CSF2RA: variants seen among roughly 807,000 people sequenced by gnomAD.
CSF2RA encodes granulocyte-macrophage colony-stimulating factor receptor subunit alpha.
CSF2RA carries 42 observed loss-of-function variants against 51.6 expected under a neutral mutation model. That is an observed-to-expected ratio of 0.81 (90% confidence interval 0.64 to 1.05). The LOEUF (loss-of-function observed/expected upper bound fraction) is 1.05, where lower values mean the gene tolerates loss of function less well. CSF2RA is among the 50% of genes least tolerant of loss of function. CSF2RA has a pLI of 0.00. For missense variants in CSF2RA, 530 were observed against 501.1 expected (o/e 1.06, Z -0.55); for synonymous variants, 222 against 193.0 (o/e 1.15, Z -1.24).
At chrX:1,306,806 AAG>A (rs2083615274) in intron 12 of CSF2RA, among the ~76,000 whole-genome samples, 1 of 151,488 alleles carries the variant, frequency 6.6e-6, no homozygotes, top group South Asian at 2.1e-4. Flanking sequence ...GACAGGGACA[AAG>A]AGAAAAAGAC....
downstream of CSF2RA, among the ~76,000 whole-genome samples, chrX:1,312,826 G>A (rs1407141452): frequency 6.6e-6 from 1 of 152,078 alleles, no homozygotes; most frequent in Non-Finnish European, 1.5e-5. Context: ...TTTCAGGGGA[G>A]ATTTGACGAT....
At chrX:1,310,626 A>C (rs1207527042), downstream of CSF2RA, among the ~76,000 whole-genome samples, 1,060 of 149,668 alleles carry the variant, frequency 7.1e-3, 14 homozygotes, top group African/African-American at 0.025. Flanking sequence ...CGAGATCACA[A>C]CACCGCACTC....
chrX:1,281,109 C>T (rs867026855), intron 2 of CSF2RA, among the ~76,000 whole-genome samples: 4 of 66,972 alleles, frequency 6.0e-5, no homozygotes, highest in African/African-American at 2.5e-4. Context: ...TTCTCCTCCT[C>T]CTTCTCCTCC....
intron 9 of CSF2RA, among the ~76,000 whole-genome samples, chrX:1,299,955 T>C (rs1425503462): frequency 2.0e-5 from 3 of 149,796 alleles, no homozygotes; most frequent in Non-Finnish European, 3.0e-5. Flanking sequence ...TGGTGGCTCA[T>C]GCCTGTAATC....
At chrX:1,313,262 C>T (rs1284949674), downstream of CSF2RA, among the ~76,000 whole-genome samples, 1 of 146,066 alleles carries the variant, frequency 6.8e-6, no homozygotes, top group African/African-American at 2.6e-5. Flanking sequence ...GTCTCTACTA[C>T]AAATACAAAA....
intron 1 of CSF2RA, among the ~76,000 whole-genome samples, chrX:1,269,635 AAGAAAAAAAAAGAGATG>A (rs2088093093): frequency 2.1e-5 from 1 of 47,524 alleles, no homozygotes; most frequent in African/African-American, 4.8e-5. Flanking sequence ...AAAAAAGAAA[AAGAAAAAAAAAGAGATG>A]AAAAGAGATG....
chrX:1,319,855 C>A, the CSF2RA span, among the ~76,000 whole-genome samples: 12 of 149,150 alleles, frequency 8.0e-5, no homozygotes, highest in Non-Finnish European at 1.8e-4. Flanking sequence ...GCTGGGATTA[C>A]AGGCACGTGC....
chrX:1,309,883 A>G lies in CSF2RA; in HGVS notation c.*404A>G. The G allele has an allele frequency of 1.7e-6, 1 of 583,638 alleles. No homozygotes were observed. The highest frequency in any genetic ancestry group is 3.0e-6 in the Non-Finnish European group (1 of 329,784). The allele number at this position is 583,638 out of a possible 1,614,324, so 36.2% of individuals were successfully genotyped here. On this transcript the variant is annotated 3_prime_UTR_variant, in exon 13 of 13. Transcript: ENST00000381529. ...AACCTGCGTGACAGAGCAAGATTGC[A>G]TCTCAAAACAAACAATAATAATAAA...
intron 9 of CSF2RA, among the ~76,000 whole-genome samples, chrX:1,298,729 C>A (rs193206321): frequency 1.6e-4 from 7 of 42,900 alleles, no homozygotes; most frequent in African/African-American, 4.2e-4. Flanking sequence ...CCCCTACTCA[C>A]GACCCCTAGT....
chrX:1,282,610 G>A, intron 2 of CSF2RA, 68 bp from the exon 3 acceptor site: 1 of 1,168,942 alleles, frequency 8.6e-7, no homozygotes, highest in Non-Finnish European at 1.3e-6. Context: ...TCACCTCCCT[G>A]GGGTCCCCTG....
chrX:1,288,889 G>A lies in CSF2RA; in HGVS notation c.473+1G>A. 1.3e-6 allele frequency: 2 copies of A among 1,583,960 alleles called. No individual in the cohort carries two copies. Among genetic ancestry groups the A allele is most frequent in the Non-Finnish European group, 8.6e-7 (1 of 1,162,656 alleles). ...ATTTTTTGTACATACGAAACTCAAA[G>A]TAAGTGTTCACCTCATGTGAAGAAT... is the stretch of plus-strand genomic sequence containing the variant. On this transcript the variant is annotated splice_donor_variant, in intron 6 of 12. Transcript: ENST00000381529. LOFTEE classifies it high-confidence loss of function.
chrX:1,320,545 C>T, the CSF2RA span, among the ~76,000 whole-genome samples: 3 of 150,602 alleles, frequency 2.0e-5, no homozygotes, highest in East Asian at 3.9e-4. Context: ...TCACCCAGGC[C>T]GGAGTGCCAT....
chrX:1,308,439 A>T (rs2083897734), intron 12 of CSF2RA, among the ~76,000 whole-genome samples: 1 of 152,024 alleles, frequency 6.6e-6, no homozygotes, highest in South Asian at 2.1e-4. Context: ...GAGAGGCTGA[A>T]CAGCAAGACC....
At position 1,306,297 on chromosome X, in the gene CSF2RA, G is replaced by C. The variant is rs745620997; in HGVS notation, c.1125+770G>C. 7.2e-5 allele frequency among the ~76,000 whole-genome samples: 11 copies of C among 151,852 alleles called. No individual in the cohort carries two copies. In the East Asian group the frequency reaches 2.1e-3, roughly 30 times the overall value. ...GGGAGGGAGAAAAGGGAGAAGGAAA[G>C]AGAGAGACACGAGACACAGATGGAG... On this transcript the variant is annotated intron_variant, in intron 12 of 12. Coordinates refer to ENST00000381529, the MANE Select transcript of CSF2RA (RefSeq NM_172245.4).
intron 4 of CSF2RA, among the ~76,000 whole-genome samples, chrX:1,287,512 C>T (rs1393391151): frequency 2.8e-5 from 4 of 144,576 alleles, no homozygotes; most frequent in East Asian, 4.2e-4. Context: ...GGCGTGATCT[C>T]AGCTCCCTGC....
At chrX:1,289,015 G>A in intron 6 of CSF2RA, 127 bp downstream of exon 6, 1 of 1,298,376 alleles carries the variant, frequency 7.7e-7, no homozygotes, top group Non-Finnish European at 1.1e-6. Flanking sequence ...AGGCTGCAAT[G>A]CAATGGTGCC....
Position 1,307,216 on chromosome X carries a change from G to A in CSF2RA, c.1125+1689G>A, listed in dbSNP as rs746151371. On this transcript the variant is annotated intron_variant, in intron 12 of 12. Transcript: ENST00000381529. ...ACTGTCCTGCATTCTCAGAGTGGGA[G>A]ATGAAATTTTTAAAAAGGAAATAAA... Among the ~76,000 whole-genome samples, 6 of 152,310 alleles carry A rather than the reference G, an allele frequency of 3.9e-5. No individual in the cohort carries two copies. In the East Asian group the frequency reaches 1.2e-3, roughly 29 times the overall value.
At chrX:1,323,315 A>G in the CSF2RA span, among the ~76,000 whole-genome samples, 8 of 149,790 alleles carry the variant, frequency 5.3e-5, no homozygotes, top group African/African-American at 1.7e-4. Context: ...GGAGTTCAAG[A>G]CCGGCCTGGC....
At chrX:1,319,732 TTA>T in the CSF2RA span, among the ~76,000 whole-genome samples, 1 of 147,216 alleles carries the variant, frequency 6.8e-6, no homozygotes. Context: ...TTTTTTTTTT[TTA>T]GACAGAGTCT....
Sources: gnomAD v4.1 joint callset for allele counts (sites outside exome capture counted in the v4.1 genomes callset) on GRCh38, gnomAD v4.1.1 for gene constraint, MANE v1.5 for transcripts, NCBI Gene and HGNC (gene_info 2026-07-23, HGNC 2026-07-21) for gene names.